DLG2: variants seen among roughly 807,000 people sequenced by gnomAD.
The protein encoded by DLG2 is disks large homolog 2.
DLG2 carries 45 observed loss-of-function variants against 132.5 expected under a neutral mutation model. That is an observed-to-expected ratio of 0.34 (90% confidence interval 0.27 to 0.44). DLG2 has a LOEUF of 0.44. Ranked by LOEUF, DLG2 falls within the 20% of genes least tolerant of loss-of-function variation. DLG2 has a pLI of 1.00. For synonymous variants in DLG2, 424 were observed against 419.6 expected (o/e 1.01, Z -0.13); for missense variants, 1,045 against 1,196.9 (o/e 0.87, Z 1.87).
intron 5 of DLG2, among the ~76,000 whole-genome samples, chr11:85,126,706 T>C (rs958786887): frequency 6.6e-5 from 10 of 152,144 alleles, no homozygotes; most frequent in Non-Finnish European, 1.2e-4. Flanking sequence ...ACCAGTGTCA[T>C]TGGCAGGATA....
At chr11:84,670,312 T>A (rs1040960570) in intron 6 of DLG2, among the ~76,000 whole-genome samples, 3 of 152,156 alleles carry the variant, frequency 2.0e-5, no homozygotes, top group African/African-American at 7.2e-5. Flanking sequence ...AAATTTGTTT[T>A]TCAGAACATG....
At chr11:83,794,578 C>T (rs1370059915) in intron 17 of DLG2, among the ~76,000 whole-genome samples, 1 of 151,200 alleles carries the variant, frequency 6.6e-6, no homozygotes, top group Admixed American at 6.6e-5. Context: ...AGATTGGATG[C>T]CATTAATTAT....
At chr11:84,138,948 CAAA>C (rs5793107) in intron 9 of DLG2, among the ~76,000 whole-genome samples, 81 of 91,982 alleles carry the variant, frequency 8.8e-4, no homozygotes, top group Non-Finnish European at 1.0e-3. Context: ...GACTCCATCT[CAAA>C]AAAAAAAAAA....
chr11:84,117,180 A>G (rs1250818076), intron 9 of DLG2, among the ~76,000 whole-genome samples: 2 of 152,224 alleles, frequency 1.3e-5, no homozygotes, highest in Non-Finnish European at 2.9e-5. Context: ...CTAAGGTCCT[A>G]GAGCACATTG....
intron 14 of DLG2, among the ~76,000 whole-genome samples, chr11:83,950,026 T>C (rs574060073): frequency 1.2e-4 from 18 of 152,294 alleles, no homozygotes; most frequent in Admixed American, 6.5e-4. Flanking sequence ...TTTTATATAA[T>C]GTTTTATCGC....
rs183228315 is a variant in DLG2, at chr11:83,854,470, T to C, written c.1565+19950A>G. ...AGCTTCAAAATTTTCTATAAAGCTA[T>C]AGTAATCAAGACAGTATGGTATTGG... On this transcript the variant is annotated intron_variant, in intron 16 of 27. Coordinates refer to ENST00000376104, the MANE Select transcript of DLG2 (RefSeq NM_001142699.3). Among the ~76,000 whole-genome samples the C allele has an allele frequency of 9.1e-4, 138 of 152,194 alleles. 1 individual carries two copies. The highest frequency in any genetic ancestry group is 3.4e-3 in the Middle Eastern group (1 of 294).
intron 10 of DLG2, among the ~76,000 whole-genome samples, chr11:84,079,782 C>A (rs532622566): frequency 6.6e-6 from 1 of 152,316 alleles, no homozygotes; most frequent in Non-Finnish European, 1.5e-5. Context: ...CCTGATTTCT[C>A]ATGGCCACCT....
chr11:84,953,576 C>T (rs1400375372), intron 6 of DLG2, among the ~76,000 whole-genome samples: 1 of 151,800 alleles, frequency 6.6e-6, no homozygotes, highest in Non-Finnish European at 1.5e-5. Context: ...AATCTTATTC[C>T]CCTTATCAAT....
intron 22 of DLG2, among the ~76,000 whole-genome samples, chr11:83,478,983 A>G (rs1393298789): frequency 6.6e-6 from 1 of 152,098 alleles, no homozygotes; most frequent in Non-Finnish European, 1.5e-5. Flanking sequence ...ATAAAATTAT[A>G]AAAGTATAAA....
chr11:85,228,312 G>A (rs1277557357), intron 4 of DLG2, among the ~76,000 whole-genome samples: 1 of 152,016 alleles, frequency 6.6e-6, no homozygotes, highest in Non-Finnish European at 1.5e-5. Flanking sequence ...AAGAGAAATA[G>A]GAAGGATGCC....
At chr11:83,617,205 T>C (rs569886197) in intron 19 of DLG2, among the ~76,000 whole-genome samples, 1 of 152,362 alleles carries the variant, frequency 6.6e-6, no homozygotes, top group African/African-American at 2.4e-5. Context: ...TCTTCTGAGA[T>C]GTTGATAGGA....
Position 85,494,894 on chromosome 11 carries a change from T to TAA in DLG2, c.40+103761_40+103762dup, listed in dbSNP as rs34232264. 2.9e-3 allele frequency among the ~76,000 whole-genome samples: 439 copies of TAA among 151,344 alleles called. 2 individuals carry two copies. Among genetic ancestry groups the TAA allele is most frequent in the African/African-American group, 9.1e-3 (376 of 41,276 alleles). The stretch of plus-strand genomic sequence containing the variant: ...CAATCATGAAGTAAAAGTGATACCA[T>TAA]AAAAAAAACAGTGAAAAACATGCTA... On this transcript the variant is annotated intron_variant, in intron 3 of 27. Coordinates refer to ENST00000376104, the MANE Select transcript of DLG2 (RefSeq NM_001142699.3).
intron 7 of DLG2, among the ~76,000 whole-genome samples, chr11:84,251,637 C>A (rs201913465): frequency 7.7e-6 from 1 of 130,040 alleles, no homozygotes; most frequent in Admixed American, 8.2e-5. Context: ...TGTATCTTTT[C>A]TTTCTTTTTT....
intron 7 of DLG2, among the ~76,000 whole-genome samples, chr11:84,343,889 A>G (rs2098527068): frequency 1.3e-5 from 2 of 152,164 alleles, no homozygotes; most frequent in Non-Finnish European, 2.9e-5. Context: ...CACATGAAGT[A>G]CTGAATACCA....
intron 15 of DLG2, among the ~76,000 whole-genome samples, chr11:83,898,076 A>G (rs2072302073): frequency 6.6e-6 from 1 of 152,176 alleles, no homozygotes; most frequent in Non-Finnish European, 1.5e-5. Flanking sequence ...GGCCTTGGGA[A>G]CTTTGGGGAA....
chr11:84,002,173 CAAAGA>C (rs2094383224), intron 11 of DLG2, among the ~76,000 whole-genome samples: 1 of 152,020 alleles, frequency 6.6e-6, no homozygotes, highest in African/African-American at 2.4e-5. Context: ...CCTAAAATAG[CAAAGA>C]AGAGAGAACA....
intron 6 of DLG2, among the ~76,000 whole-genome samples, chr11:84,738,707 G>C (rs1293192869): frequency 6.6e-6 from 1 of 152,092 alleles, no homozygotes; most frequent in Non-Finnish European, 1.5e-5. Flanking sequence ...AACCACTTTG[G>C]AAAACAGCTT....
chr11:84,536,540 G>T (rs1315438228), intron 6 of DLG2, among the ~76,000 whole-genome samples: 2 of 152,234 alleles, frequency 1.3e-5, no homozygotes, highest in African/African-American at 2.4e-5. Context: ...TCAGAAACAT[G>T]GATCAAATTT....
chr11:84,695,017 T>C (rs567284033), intron 6 of DLG2, among the ~76,000 whole-genome samples: 59 of 151,642 alleles, frequency 3.9e-4, no homozygotes, highest in Admixed American at 2.6e-3. Context: ...AGTATATTGA[T>C]GCTTATGAAT....
Sources: allele counts gnomAD v4.1 joint callset (sites outside exome capture counted in the v4.1 genomes callset), GRCh38; gene constraint gnomAD v4.1.1; transcripts MANE v1.5; gene names NCBI Gene and HGNC (gene_info 2026-07-23, HGNC 2026-07-21).